DLG2: variants seen among roughly 807,000 people sequenced by gnomAD.
DLG2 encodes the protein disks large homolog 2.
Under a neutral mutation model 132.5 loss-of-function variants are expected in DLG2, and 45 were observed. The observed-to-expected ratio is 0.34, with a 90% CI of 0.27 to 0.44. The LOEUF is 0.44. Ranked by LOEUF, DLG2 falls within the 20% of genes least tolerant of loss-of-function variation. DLG2 has a pLI of 1.00. For missense variants in DLG2, 1,045 were observed against 1,196.9 expected, an observed-to-expected ratio of 0.87 and a Z score of 1.87; for synonymous variants, 424 against 419.6, an observed-to-expected ratio of 1.01 and a Z score of -0.13.
At chr11:83,577,825 T>TTAAATATATATTATATAATTA (rs1259237751) in intron 19 of DLG2, among the ~76,000 whole-genome samples, 2 of 112,848 alleles carry the variant, frequency 1.8e-5, no homozygotes, top group Non-Finnish European at 3.4e-5. Flanking sequence ...ATACAAAATA[T>TTAAATATATATTATATAATTA]TAAATATATA....
In DLG2 at chr11:83,844,261, G is replaced by T. The variant is rs142767790; in HGVS notation, c.1566-10491C>A. On this transcript the variant is annotated intron_variant, in intron 16 of 27. Transcript: ENST00000376104. ...ATAGGGTAAAAAAAAGGGCCTGGGG[G>T]CCAGGCGCGGTGGCTCACGCCTGTA... is the stretch of plus-strand genomic sequence containing the variant. Among the ~76,000 whole-genome samples, 361 of 148,624 alleles carry T rather than the reference G, an allele frequency of 2.4e-3. 2 individuals carry two copies. The highest frequency in any genetic ancestry group is 8.0e-3 in the African/African-American group (322 of 40,246).
chr11:83,545,005 C>T (rs2096200431), intron 19 of DLG2, among the ~76,000 whole-genome samples: 1 of 152,096 alleles, frequency 6.6e-6, no homozygotes, highest in Non-Finnish European at 1.5e-5. Flanking sequence ...ACTGCTCAGT[C>T]CTTGTCCAAG....
chr11:84,972,853 A>AGT (rs2054293302), intron 6 of DLG2, among the ~76,000 whole-genome samples: 2 of 151,974 alleles, frequency 1.3e-5, no homozygotes, highest in Admixed American at 6.5e-5. Context: ...TTGAGACTGC[A>AGT]GACTTAGCAG....
intron 4 of DLG2, among the ~76,000 whole-genome samples, chr11:85,278,370 C>T (rs2078022413): frequency 6.6e-6 from 1 of 152,062 alleles, no homozygotes; most frequent in Middle Eastern, 3.2e-3. Flanking sequence ...ATTAAAAGTG[C>T]CTGGGCAGAT....
chr11:83,857,534 T>A (rs374093192), intron 16 of DLG2, among the ~76,000 whole-genome samples: 3 of 152,178 alleles, frequency 2.0e-5, no homozygotes, highest in East Asian at 1.9e-4. Context: ...AGACACATAA[T>A]CATCAGAATC....
chr11:83,739,061 T>G (rs750013906), intron 18 of DLG2, among the ~76,000 whole-genome samples: 1 of 152,180 alleles, frequency 6.6e-6, no homozygotes, highest in Non-Finnish European at 1.5e-5. Context: ...AGTTCTTCTC[T>G]CTTTTTTTAA....
chr11:84,228,848 G>A (rs192551037), intron 8 of DLG2, among the ~76,000 whole-genome samples: 14 of 152,234 alleles, frequency 9.2e-5, no homozygotes, highest in East Asian at 5.8e-4. Context: ...TATTGATGTC[G>A]CCTGGCTTCA....
At chr11:85,385,709 A>AT (rs2086266836) in intron 3 of DLG2, among the ~76,000 whole-genome samples, 1 of 152,176 alleles carries the variant, frequency 6.6e-6, no homozygotes, top group Admixed American at 6.5e-5. Flanking sequence ...TTTAAAAGCT[A>AT]TTTTTCCTCC....
At chr11:83,802,334 C>A (rs1171485731) in intron 17 of DLG2, among the ~76,000 whole-genome samples, 1 of 152,080 alleles carries the variant, frequency 6.6e-6, no homozygotes, top group African/African-American at 2.4e-5. Flanking sequence ...TGCTTTGTGG[C>A]TTCTCAACTC....
At chr11:84,892,278 GC>G (rs1157654351) in intron 6 of DLG2, among the ~76,000 whole-genome samples, 1 of 152,140 alleles carries the variant, frequency 6.6e-6, no homozygotes, top group Admixed American at 6.6e-5. Context: ...GCATGGTCAT[GC>G]CAAACTCAAA....
chr11:84,797,708 T>C (rs570065287), intron 6 of DLG2, among the ~76,000 whole-genome samples: 232 of 152,358 alleles, frequency 1.5e-3, no homozygotes, highest in African/African-American at 5.4e-3. Flanking sequence ...TTTGTCACTC[T>C]GGGTTTAGTC....
intron 20 of DLG2, among the ~76,000 whole-genome samples, chr11:83,536,197 T>G (rs547524898): frequency 4.6e-5 from 7 of 152,312 alleles, no homozygotes; most frequent in African/African-American, 1.7e-4. Context: ...TATTAATTAT[T>G]AAATAAACCA....
chr11:84,304,805 T>C (rs2098197033), intron 7 of DLG2, among the ~76,000 whole-genome samples: 1 of 152,234 alleles, frequency 6.6e-6, no homozygotes, highest in Non-Finnish European at 1.5e-5. Flanking sequence ...GGATTTGGCC[T>C]GTGGCTGTAG....
chr11:84,602,011 T>G (rs993020380), intron 6 of DLG2, among the ~76,000 whole-genome samples: 2 of 151,936 alleles, frequency 1.3e-5, no homozygotes, highest in Non-Finnish European at 1.5e-5. Flanking sequence ...ATTCAAATAT[T>G]TTCAGAGGTC....
chr11:84,532,117 A>ATTTTTTTTTTTTTTTT (rs67139617), intron 7 of DLG2, among the ~76,000 whole-genome samples: 1 of 104,584 alleles, frequency 9.6e-6, no homozygotes, highest in Non-Finnish European at 1.8e-5. Context: ...TGTTCTGTTC[A>ATTTTTTTTTTTTTTTT]TTTTTTTTTT....
intron 3 of DLG2, among the ~76,000 whole-genome samples, chr11:85,321,219 T>C (rs566166938): frequency 6.6e-6 from 1 of 151,960 alleles, no homozygotes; most frequent in African/African-American, 2.4e-5. Context: ...GAAAAAGTAG[T>C]TTTTTAGCCT....
chr11:83,855,437 G>A (rs2060379424), intron 16 of DLG2, among the ~76,000 whole-genome samples: 1 of 152,124 alleles, frequency 6.6e-6, no homozygotes, highest in Admixed American at 6.5e-5. Flanking sequence ...TCCTTCAGTA[G>A]GTGAATGGAT....
intron 3 of DLG2, among the ~76,000 whole-genome samples, chr11:85,533,117 G>A (rs187990556): frequency 1.4e-4 from 21 of 152,050 alleles, no homozygotes; most frequent in East Asian, 7.7e-4. Flanking sequence ...TCCCCCTCCC[G>A]GGTTCAAGCA....
intron 18 of DLG2, among the ~76,000 whole-genome samples, chr11:83,761,021 C>T (rs1403659834): frequency 1.3e-5 from 2 of 152,108 alleles, no homozygotes; most frequent in African/African-American, 2.4e-5. Flanking sequence ...CAGATTTATG[C>T]TGTATAGATT....
Sources: allele counts gnomAD v4.1 joint callset (sites outside exome capture counted in the v4.1 genomes callset), GRCh38; gene constraint gnomAD v4.1.1; transcripts MANE v1.5; gene names NCBI Gene and HGNC (gene_info 2026-07-23, HGNC 2026-07-21).